Variants in NLGN1 observed in about 807,000 individuals in gnomAD.
NLGN1 encodes the protein neuroligin-1.
In NLGN1, 12 loss-of-function variants were observed where a neutral mutation model predicts 65.5. The observed-to-expected ratio is 0.18, with a 90% confidence interval of 0.12 to 0.30. The LOEUF (loss-of-function observed/expected upper bound fraction) is 0.30. NLGN1 is among the 10% of genes least tolerant of loss of function. NLGN1 has a pLI of 1.00. For missense variants in NLGN1, 750 were observed against 1,007.1 expected, an observed-to-expected ratio of 0.74 and a Z score of 3.46; for synonymous variants, 350 against 359.5, an observed-to-expected ratio of 0.97 and a Z score of 0.30.
At chr3:173,460,659 G>T (rs552491564) in intron 2 of NLGN1, among the ~76,000 whole-genome samples, 1 of 152,164 alleles carries the variant, frequency 6.6e-6, no homozygotes, top group Admixed American at 6.6e-5. Flanking sequence ...TATATTGTTG[G>T]CCAAAAGTTA....
intron 2 of NLGN1, among the ~76,000 whole-genome samples, chr3:173,488,115 A>G (rs991917213): frequency 4.0e-5 from 6 of 151,550 alleles, no homozygotes; most frequent in African/African-American, 7.3e-5. Context: ...TAGTGTTAAC[A>G]TTAGATTTTT....
intron 4 of NLGN1, among the ~76,000 whole-genome samples, chr3:174,131,760 T>C (rs80188496): frequency 0.018 from 2,807 of 152,322 alleles, 79 homozygotes; most frequent in African/African-American, 0.064. Context: ...ACCAGAAAGC[T>C]TGCCAATTAG....
At chr3:173,781,244 G>A (rs917503470) in intron 3 of NLGN1, among the ~76,000 whole-genome samples, 7 of 150,804 alleles carry the variant, frequency 4.6e-5, no homozygotes, top group African/African-American at 7.3e-5. Flanking sequence ...TAGAGAAAAA[G>A]CATTTAAAAT....
intron 1 of NLGN1, among the ~76,000 whole-genome samples, chr3:173,402,591 G>A (rs1053962594): frequency 2.0e-5 from 3 of 152,038 alleles, no homozygotes; most frequent in African/African-American, 7.2e-5. Flanking sequence ...GCTCTGGTAC[G>A]ACTTCACTGT....
chr3:173,541,185 G>T (rs371329025), intron 2 of NLGN1, among the ~76,000 whole-genome samples: 7 of 152,128 alleles, frequency 4.6e-5, no homozygotes, highest in South Asian at 2.1e-4. Context: ...CATTTATAGA[G>T]TGCTAAAAAG....
At chr3:174,035,407 A>G (rs973527254) in intron 4 of NLGN1, among the ~76,000 whole-genome samples, 3 of 152,170 alleles carry the variant, frequency 2.0e-5, no homozygotes, top group African/African-American at 4.8e-5. Context: ...GAGACTCAGG[A>G]AAAGGCTTAT....
intron 3 of NLGN1, among the ~76,000 whole-genome samples, chr3:173,803,234 A>C (rs1001403845): frequency 1.3e-5 from 2 of 152,188 alleles, no homozygotes; most frequent in Non-Finnish European, 2.9e-5. Flanking sequence ...ATTTCTACCA[A>C]CTTATTTTAA....
At chr3:174,197,624 A>G (rs960329461) in intron 4 of NLGN1, among the ~76,000 whole-genome samples, 1 of 151,614 alleles carries the variant, frequency 6.6e-6, no homozygotes, top group Non-Finnish European at 1.5e-5. Flanking sequence ...CTGCCAGTCT[A>G]TGTTCAATGA....
chr3:174,211,456 G>A (rs7637605), intron 4 of NLGN1, among the ~76,000 whole-genome samples: 3 of 151,648 alleles, frequency 2.0e-5, no homozygotes, highest in African/African-American at 4.9e-5. Flanking sequence ...GATACAGAGT[G>A]TCGGTTGTTG....
chr3:173,511,382 A>G (rs1560362435), intron 2 of NLGN1, among the ~76,000 whole-genome samples: 1 of 152,174 alleles, frequency 6.6e-6, no homozygotes, highest in Non-Finnish European at 1.5e-5. Flanking sequence ...GCATTGATAC[A>G]TCATTATCAC....
intron 3 of NLGN1, among the ~76,000 whole-genome samples, chr3:173,625,685 G>T (rs1028755775): frequency 1.3e-5 from 2 of 152,068 alleles, no homozygotes; most frequent in East Asian, 1.9e-4. Flanking sequence ...AACATTAAGA[G>T]ATATTAACTG....
intron 2 of NLGN1, among the ~76,000 whole-genome samples, chr3:173,536,392 G>A (rs1305641272): frequency 6.6e-6 from 1 of 152,114 alleles, no homozygotes; most frequent in Non-Finnish European, 1.5e-5. Context: ...TGTTCACTGA[G>A]AGTTAATTGC....
intron 4 of NLGN1, among the ~76,000 whole-genome samples, chr3:174,186,285 C>T (rs1304589470): frequency 6.6e-6 from 1 of 152,034 alleles, no homozygotes; most frequent in Non-Finnish European, 1.5e-5. Flanking sequence ...TCTATAAAGT[C>T]CCATTGCTTT....
At chr3:173,442,133 A>G (rs997772510) in intron 2 of NLGN1, among the ~76,000 whole-genome samples, 5 of 152,126 alleles carry the variant, frequency 3.3e-5, no homozygotes, top group African/African-American at 1.2e-4. Flanking sequence ...GAAAAATGCC[A>G]ATAACATTTG....
chr3:173,914,558 T>C (rs10222598), intron 4 of NLGN1, among the ~76,000 whole-genome samples: 2,012 of 89,370 alleles, frequency 0.023, 30 homozygotes, highest in African/African-American at 0.076. Flanking sequence ...CACACACACA[T>C]ATGTATATAT....
chr3:174,100,455 C>G (rs1216659008), intron 4 of NLGN1, among the ~76,000 whole-genome samples: 3 of 152,070 alleles, frequency 2.0e-5, no homozygotes, highest in Non-Finnish European at 4.4e-5. Flanking sequence ...TAAAGTCTTT[C>G]AATGCCTTTG....
rs779049386 is a variant in NLGN1 at position 174,279,077 on chromosome 3, T to C, written c.1076T>C (p.Val359Ala). ...CGATACCACATAGCCTTTGGACCTG[T>C]GATTGATGGTGATGTAATACCAGAC... The change falls in exon 6 of 7, where the codon GTG becomes GCG. Residue 359 changes from valine (V) to alanine (A), a missense_variant. Val to Ala is a moderately conservative substitution (Grantham distance 64, BLOSUM62 0). Coordinates refer to ENST00000457714, the Ensembl canonical transcript of NLGN1. This position sits in a 1 kb window ranked among gnomAD's most constrained non-coding sequence, Gnocchi z 4.7. 1.2e-6 allele frequency: 2 copies of C among 1,613,164 alleles called. No homozygotes were observed. The highest frequency in any genetic ancestry group is 3.3e-5 in the Admixed American group (2 of 59,908).
At chr3:173,433,083 A>G (rs938901381) in intron 1 of NLGN1, among the ~76,000 whole-genome samples, 7 of 152,282 alleles carry the variant, frequency 4.6e-5, no homozygotes, top group Admixed American at 3.9e-4. Flanking sequence ...TATTTGCAAC[A>G]TTTTTGTGTT....
At chr3:173,830,627 A>G (rs1578671080) in intron 4 of NLGN1, among the ~76,000 whole-genome samples, 1 of 152,310 alleles carries the variant, frequency 6.6e-6, no homozygotes, top group South Asian at 2.1e-4. Context: ...AAACTCATAA[A>G]TATATTTTTA....
Sources: allele counts gnomAD v4.1 joint callset (sites outside exome capture counted in the v4.1 genomes callset), GRCh38; gene constraint gnomAD v4.1.1; non-coding constraint Gnocchi (gnomAD v3.1); transcripts MANE v1.5; gene names NCBI Gene and HGNC (gene_info 2026-07-23, HGNC 2026-07-21).